The following PEX6 variants were observed in gnomAD, a reference collection of about 807,000 sequenced individuals.
PEX6 encodes peroxisome biogenesis factor 6.
PEX6 carries 55 observed loss-of-function variants against 85.6 expected under a neutral mutation model. The observed-to-expected ratio is 0.64, with a 90% CI of 0.52 to 0.80. The LOEUF is 0.80. Among genes scored for constraint, PEX6 ranks in the 30% least tolerant of loss-of-function variants. The pLI is 0.00. For synonymous variants in PEX6, 519 were observed against 549.1 expected (o/e 0.95, Z 0.77); for missense variants, 1,099 against 1,260.3 (o/e 0.87, Z 1.94).
rs1254015920 is a variant in PEX6, at chr6:42,978,683, A to G, written c.468T>C (p.Ala156=). 21 of 1,554,110 alleles carry G rather than the reference A, an allele frequency of 1.4e-5. No individual in the cohort carries two copies. Among genetic ancestry groups the G allele is most frequent in the Non-Finnish European group, 1.7e-5 (20 of 1,157,364 alleles). The change falls in exon 1 of 17, where the codon GCT becomes GCC. Residue 156 remains alanine (A), a synonymous_variant. Transcript: ENST00000304611. The stretch of plus-strand genomic sequence containing the variant: ...TGGCCCGCCCGCGGAGCTCAGTCAC[A>G]GCCAGCCGAGTCCCTGGGCCCAGCA... ...QGLLGPGTRL[A]VTELRGRARL... is the part of the protein sequence containing the mutation.
rs765743353 is a variant in PEX6 at position 42,964,434 on chromosome 6, C to T, written c.2844G>A (p.Met948Ile). 1.2e-6 allele frequency: 2 copies of T among 1,613,868 alleles called. No individual in the cohort carries two copies. Among genetic ancestry groups the T allele is most frequent in the Admixed American group, 3.3e-5 (2 of 60,028 alleles). ...EPGSSALMLT[M>I]EDLLQAAARL... ...GGGCGGCAGCCTGCAGCAAGTCCTC[C>T]ATGGTGAGCATCAGTGCTGAGCTAC... Residue 948 changes from methionine to isoleucine, a missense_variant, in exon 17 of 17, where the codon ATG becomes ATA. By Grantham distance (10) the Met-to-Ile change is conservative. This residue lies in a region of PEX6 where 514 missense variants were observed against 627.0 expected (regional missense o/e 0.82). Transcript: ENST00000304611. This position sits in a 1 kb window ranked among gnomAD's most constrained non-coding sequence, Gnocchi z 4.6.
In PEX6 at chr6:42,971,853, AAG is replaced by A. The variant is rs143636416; in HGVS notation, c.1131-1868_1131-1867del. On this transcript the variant is annotated intron_variant, in intron 3 of 16. Coordinates refer to ENST00000304611, the MANE Select transcript of PEX6 (RefSeq NM_000287.4). This position sits in a 1 kb window ranked among gnomAD's most constrained non-coding sequence, Gnocchi z 4.4. Reference sequence around the variant, plus strand: ...GTGCCTATTTTCCTTTGAAAGTACAAAGAGTGGGCATTCTGTAGTTTTCCTAC... The same window carrying A: ...GTGCCTATTTTCCTTTGAAAGTACAAAGTGGGCATTCTGTAGTTTTCCTAC... 0.019 allele frequency among the ~76,000 whole-genome samples: 2,820 copies of A among 152,348 alleles called. 32 individuals carry two copies. The highest frequency in any genetic ancestry group is 0.028 in the South Asian group (135 of 4,830).
At chr6:42,973,562 T>A (rs1055112272) in intron 3 of PEX6, among the ~76,000 whole-genome samples, 1 of 152,100 alleles carries the variant, frequency 6.6e-6, no homozygotes, top group South Asian at 2.1e-4. Flanking sequence ...TCCAAAAAAA[T>A]GTACACAGGC....
Position 42,978,881 on chromosome 6 carries a change from G to A in PEX6, c.270C>T (p.Ala90=), listed in dbSNP as rs760748453. 6.7e-7 allele frequency: 1 copy of A among 1,490,394 alleles called. No individual in the cohort carries two copies. The highest frequency in any genetic ancestry group is 1.3e-5 in the South Asian group (1 of 78,948). 92.3% of individuals were successfully genotyped at this position (1,490,394 alleles called of 1,614,324 possible). Residue 90 remains alanine, a synonymous_variant, in exon 1 of 17, where the codon GCC becomes GCT. Coordinates refer to ENST00000304611, the MANE Select transcript of PEX6 (RefSeq NM_000287.4). ...GCCGCACCGCCCGCGCCCGCACCCAGGCCCCGGAGCCCAGTGCCAGGAGCC... is the reference window on the plus strand; with the variant it reads ...GCCGCACCGCCCGCGCCCGCACCCAAGCCCCGGAGCCCAGTGCCAGGAGCC... ...LLRLLALGSG[A]WVRARAVRRP... is the part of the protein sequence containing the mutation.
chr6:42,965,514 C>T lies in PEX6; in HGVS notation c.2472-146G>A, dbSNP rs1581758646. The T allele has an allele frequency of 1.1e-6, 1 of 890,520 alleles. No homozygotes were observed. The highest frequency in any genetic ancestry group is 2.4e-5 in the East Asian group (1 of 41,612). The allele number at this position is 890,520 out of a possible 1,614,324, so 55.2% of individuals were successfully genotyped here. On this transcript the variant is annotated intron_variant, in intron 13 of 16. Transcript: ENST00000304611. This position sits in a 1 kb window ranked among gnomAD's most constrained non-coding sequence, Gnocchi z 5.0. The stretch of plus-strand genomic sequence containing the variant: ...GCCCCACCAGGTAGGCCCCCATTCT[C>T]CTCAGTGGACCCTGCCCAATTTCAT...
chr6:42,978,675 T>C lies in PEX6; in HGVS notation c.476A>G (p.Glu159Gly), dbSNP rs1216393928. 1.9e-6 allele frequency: 3 copies of C among 1,559,338 alleles called. No individual in the cohort carries two copies. Among genetic ancestry groups the C allele is most frequent in the South Asian group, 1.2e-5 (1 of 86,548 alleles). The change falls in exon 1 of 17, where the codon GAG (glutamate) becomes GGG (glycine). Residue 159 changes from glutamate to glycine, a missense_variant. Glu to Gly is a moderately conservative substitution (Grantham distance 98). This residue lies in a region of PEX6 where 579 missense variants were observed against 611.6 expected (regional missense o/e 0.95). Coordinates refer to ENST00000304611, the MANE Select transcript of PEX6 (RefSeq NM_000287.4). The stretch of plus-strand genomic sequence containing the variant: ...ACACAGTCTGGCCCGCCCGCGGAGC[T>C]CAGTCACAGCCAGCCGAGTCCCTGG... ...LGPGTRLAVT[E>G]LRGRARLCPE...
Position 42,978,577 on chromosome 6 carries a change from G to A in PEX6, c.574C>T (p.Arg192Trp). 6.2e-7 allele frequency: 1 copy of A among 1,611,774 alleles called. No individual in the cohort carries two copies. Among genetic ancestry groups the A allele is most frequent in the Non-Finnish European group, 8.5e-7 (1 of 1,179,804 alleles). Reference sequence around the variant, plus strand: ...CCTCCCAGAACTCCCTGGAGTCGCCGCACTGTGCCAGAAACCGCAAAGGAG... The same window carrying A: ...CCTCCCAGAACTCCCTGGAGTCGCCACACTGTGCCAGAAACCGCAAAGGAG... Reference protein sequence around the residue: ...VSSFAVSGTVRRLQGVLGGTG... With the variant: ...VSSFAVSGTVWRLQGVLGGTG... The change falls in exon 1 of 17, where the codon CGG becomes TGG. Residue 192 changes from arginine to tryptophan, a missense_variant. By Grantham distance (101) the Arg-to-Trp change is moderately radical. Transcript: ENST00000304611.
chr6:42,964,658 T>C lies in PEX6; in HGVS notation c.2806+132A>G. 1 of 1,349,152 alleles carries C rather than the reference T, an allele frequency of 7.4e-7. No homozygotes were observed. The highest frequency in any genetic ancestry group is 1.1e-6 in the Non-Finnish European group (1 of 945,594). The allele number at this position is 1,349,152 out of a possible 1,614,324, so 83.6% of individuals were successfully genotyped here. A position where few individuals can be genotyped will look rare whatever the true frequency, so the allele number is the denominator to read the frequency against. ...TTTTTAGAGTTGGGGTCTCTCTGTG[T>C]TGCCCAGGCTGGCCTCAAACTCCTG... On this transcript the variant is annotated intron_variant, in intron 16 of 16. Coordinates refer to ENST00000304611, the MANE Select transcript of PEX6 (RefSeq NM_000287.4). The surrounding 1 kb of genome is among the most constrained non-coding windows in gnomAD (Gnocchi z 4.6).
rs1030087734 is a variant in PEX6 at position 42,978,378 on chromosome 6, C to G, written c.773G>C (p.Gly258Ala). ...RWDLSDRLGP[G>A]SGPLGEPLAD... ...GAGGGGCTCTCCCAGCGGTCCAGAG[C>G]CGGGTCCCAGTCTATCAGAGAGGTC... Residue 258 changes from glycine (G) to alanine (A), a missense_variant, in exon 1 of 17, where the codon GGC becomes GCC. Gly to Ala is a moderately conservative substitution (Grantham distance 60). Transcript: ENST00000304611. 3 of 1,614,100 alleles carry G rather than the reference C, an allele frequency of 1.9e-6. No individual in the cohort carries two copies. In the African/African-American group the frequency reaches 4.0e-5, roughly 22 times the overall value.
intron 6 of PEX6, 69 bp from the exon 7 acceptor site, chr6:42,968,567 G>A (rs1414218218): frequency 3.7e-6 from 5 of 1,369,612 alleles, no homozygotes; most frequent in Non-Finnish European, 5.1e-6. Context: ...AATCAGGGGA[G>A]GAGGAGGTGG....
At chr6:42,972,769 CAAA>C (rs3997649) in intron 3 of PEX6, among the ~76,000 whole-genome samples, 11 of 57,216 alleles carry the variant, frequency 1.9e-4, no homozygotes, top group Admixed American at 6.1e-4. Flanking sequence ...GACTCTGTCT[CAAA>C]AAAAAAAAAA....
At position 42,966,025 on chromosome 6, in the gene PEX6, C is replaced by T; in HGVS notation, c.2362+19G>A. On this transcript the variant is annotated intron_variant, in intron 12 of 16. Transcript: ENST00000304611. ...GGTTTGGGAAGCATGGGACGCCCTG[C>T]CCCTCCCTGCTCACTCACCTTCCCG... is the stretch of plus-strand genomic sequence containing the variant. 6.2e-7 allele frequency: 1 copy of T among 1,612,626 alleles called. No individual in the cohort carries two copies. The highest frequency in any genetic ancestry group is 1.3e-5 in the African/African-American group (1 of 74,984).
Position 42,964,811 on chromosome 6 carries a change from T to C in PEX6, c.2785A>G (p.Arg929Gly), listed in dbSNP as rs1232075600. ...TCACCTTCCTCCAGGTCATGAACCC[T>C]GCGTTTGAGGGCAGCTGTCATAGCA... is the stretch of plus-strand genomic sequence containing the variant. The part of the protein sequence containing the change: ...SDAMTAALKR[R>G]VHDLEEGLEP... The change falls in exon 16 of 17, where the codon AGG becomes GGG. Residue 929 changes from arginine to glycine, a missense_variant. Transcript: ENST00000304611. This position sits in a 1 kb window ranked among gnomAD's most constrained non-coding sequence, Gnocchi z 4.6. 2.5e-6 allele frequency: 4 copies of C among 1,614,096 alleles called. No individual in the cohort carries two copies. Among genetic ancestry groups the C allele is most frequent in the Non-Finnish European group, 3.4e-6 (4 of 1,180,030 alleles).
intron 3 of PEX6, among the ~76,000 whole-genome samples, chr6:42,970,981 TAAAG>T (rs1376639372): frequency 2.0e-5 from 3 of 152,158 alleles, no homozygotes; most frequent in Admixed American, 2.0e-4. Flanking sequence ...ATTTTCCAGA[TAAAG>T]AAATCATGAA....
intron 1 of PEX6, among the ~76,000 whole-genome samples, chr6:42,975,879 C>T (rs1471411758): frequency 6.6e-6 from 1 of 150,808 alleles, no homozygotes; most frequent in Admixed American, 6.6e-5. Flanking sequence ...CCATGCCTGG[C>T]TAATTTTTGT....
rs372347357 is a variant in PEX6 at position 42,964,346 on chromosome 6, C to T, written c.2932G>A (p.Ala978Thr). Residue 978 changes from alanine to threonine, a missense_variant, in exon 17 of 17, where the codon GCT becomes ACT. Around this residue, in one of 3 missense-constraint regions of PEX6, gnomAD observed 514 missense variants for 627.0 expected, o/e 0.82. Transcript: ENST00000304611. The surrounding 1 kb of genome is among the most constrained non-coding windows in gnomAD (Gnocchi z 4.6). ...ACCCTGGGGGGCTCCTAGCAGGCAG[C>T]AAACTTGCGCTGGATGCGCTTGTAC... The part of the protein sequence containing the change: ...LRYKRIQRKF[A>T]AC 43 of 1,613,624 alleles carry T rather than the reference C, an allele frequency of 2.7e-5. No individual in the cohort carries two copies. Among genetic ancestry groups the T allele is most frequent in the Non-Finnish European group, 3.6e-5 (43 of 1,179,996 alleles).
chr6:42,972,687 A>G (rs930925441), intron 3 of PEX6, among the ~76,000 whole-genome samples: 1 of 150,954 alleles, frequency 6.6e-6, no homozygotes, highest in Non-Finnish European at 1.5e-5. Context: ...GGAGAATGGC[A>G]TGAACCCGGG....
chr6:42,976,083 G>A (rs1042969945), intron 1 of PEX6, among the ~76,000 whole-genome samples: 3 of 151,028 alleles, frequency 2.0e-5, no homozygotes, highest in Admixed American at 6.6e-5. Flanking sequence ...TAGTAGAGAC[G>A]GGGTTTCACC....
At chr6:42,974,127 T>C in intron 2 of PEX6, 41 bp from the exon 3 acceptor site, 1 of 1,472,872 alleles carries the variant, frequency 6.8e-7, no homozygotes, top group Non-Finnish European at 9.5e-7. Context: ...ACAATGGGAG[T>C]AATGAGCATG....
Sources: gnomAD v4.1 joint callset for allele counts (sites outside exome capture counted in the v4.1 genomes callset) on GRCh38, gnomAD v4.1.1 for gene constraint, gnomAD v4.1.1 regional missense constraint, Gnocchi (gnomAD v3.1) non-coding constraint, MANE v1.5 for transcripts, NCBI Gene and HGNC (gene_info 2026-07-23, HGNC 2026-07-21) for gene names.